The following NAALADL2 variants were observed in gnomAD, a reference collection of about 807,000 sequenced individuals.
The protein encoded by NAALADL2 is N-acetylated alpha-linked acidic dipeptidase like 2.
In NAALADL2, 76 loss-of-function variants were observed where a neutral mutation model predicts 87.2. The ratio of observed to expected loss-of-function variants is 0.87; its 90% CI spans 0.72 to 1.05. NAALADL2 has a LOEUF of 1.05. Ranked by LOEUF, NAALADL2 falls within the 50% of genes least tolerant of loss-of-function variation. The pLI is 0.00. For missense variants in NAALADL2, 1,089 were observed against 945.8 expected, an observed-to-expected ratio of 1.15 and a Z score of -1.99; for synonymous variants, 354 against 331.0, an observed-to-expected ratio of 1.07 and a Z score of -0.75.
At chr3:175,725,916 GTTA>G (rs1157027353) in intron 11 of NAALADL2, among the ~76,000 whole-genome samples, 1 of 152,126 alleles carries the variant, frequency 6.6e-6, no homozygotes, top group East Asian at 1.9e-4. Context: ...GTTAAAGATA[GTTA>G]TTAGTGAAAT....
chr3:174,547,376 A>G lies in NAALADL2; in HGVS notation c.-183-3193A>G, dbSNP rs554996356. ...ATAATATAAGGTATTGATTGCTTATACATTGTTAAGCTCTAGGATGTGGAT... is the reference window on the plus strand; with the variant it reads ...ATAATATAAGGTATTGATTGCTTATGCATTGTTAAGCTCTAGGATGTGGAT... On this transcript the variant is annotated intron_variant, in intron 1 of 3. Coordinates refer to the NAALADL2 transcript ENST00000434257. Among the ~76,000 whole-genome samples the G allele has an allele frequency of 2.0e-5, 3 of 152,250 alleles. No homozygotes were observed. In the South Asian group the frequency reaches 6.2e-4, roughly 32 times the overall value.
At chr3:175,348,278 C>T (rs532581644) in intron 5 of NAALADL2, among the ~76,000 whole-genome samples, 1 of 152,124 alleles carries the variant, frequency 6.6e-6, no homozygotes, top group South Asian at 2.1e-4. Flanking sequence ...CCTGAACTCC[C>T]AACCTCAGGT....
chr3:175,423,249 G>A (rs1262262111), intron 5 of NAALADL2, among the ~76,000 whole-genome samples: 10 of 137,942 alleles, frequency 7.2e-5, no homozygotes, highest in African/African-American at 2.2e-4. Flanking sequence ...GGCTCAAACC[G>A]TTTAATTTCA....
chr3:174,794,902 A>G (rs1717895502), intron 3 of NAALADL2, among the ~76,000 whole-genome samples: 1 of 151,006 alleles, frequency 6.6e-6, no homozygotes, highest in African/African-American at 2.4e-5. Flanking sequence ...AAGTTAAACA[A>G]TGTACTTGCA....
chr3:175,738,679 C>G (rs1296790791), intron 12 of NAALADL2, among the ~76,000 whole-genome samples: 1 of 152,106 alleles, frequency 6.6e-6, no homozygotes, highest in Admixed American at 6.5e-5. Flanking sequence ...GTTTGAGCCA[C>G]TTACAGCTAT....
At chr3:174,968,311 C>A (rs1379703304) in intron 1 of NAALADL2, among the ~76,000 whole-genome samples, 1 of 152,152 alleles carries the variant, frequency 6.6e-6, no homozygotes, top group Non-Finnish European at 1.5e-5. Flanking sequence ...ATGAACTTGG[C>A]TTTCTGTATC....
chr3:175,626,321 A>G (rs1422995612), intron 10 of NAALADL2, among the ~76,000 whole-genome samples: 1 of 151,896 alleles, frequency 6.6e-6, no homozygotes, highest in Non-Finnish European at 1.5e-5. Flanking sequence ...TACTTTCTCT[A>G]GCATTGAAAA....
chr3:175,415,892 T>C (rs1714545629), intron 5 of NAALADL2, among the ~76,000 whole-genome samples: 2 of 150,860 alleles, frequency 1.3e-5, no homozygotes. Flanking sequence ...AATGGGAGGA[T>C]TGCTTGAGCC....
At chr3:174,523,782 C>G (rs1720480052) in intron 1 of NAALADL2, among the ~76,000 whole-genome samples, 1 of 152,138 alleles carries the variant, frequency 6.6e-6, no homozygotes, top group Non-Finnish European at 1.5e-5. Context: ...TCCTAAATTG[C>G]CAGGTCATTG....
intron 2 of NAALADL2, among the ~76,000 whole-genome samples, chr3:174,593,542 C>T (rs1355098003): frequency 6.6e-6 from 1 of 151,450 alleles, no homozygotes; most frequent in African/African-American, 2.4e-5. Context: ...ACAAGTGTGG[C>T]TACATTGCTT....
intron 9 of NAALADL2, among the ~76,000 whole-genome samples, chr3:175,571,974 G>T (rs1169799424): frequency 2.6e-5 from 4 of 152,170 alleles, no homozygotes; most frequent in African/African-American, 9.7e-5. Flanking sequence ...ATTAGTGAGA[G>T]TGGGAAGTAA....
intron 2 of NAALADL2, among the ~76,000 whole-genome samples, chr3:174,606,662 G>A (rs1326256085): frequency 2.6e-5 from 4 of 152,062 alleles, no homozygotes; most frequent in African/African-American, 7.2e-5. Flanking sequence ...AAGAAATATG[G>A]GACTATGTGA....
At chr3:174,767,393 C>G (rs555721804) in intron 3 of NAALADL2, among the ~76,000 whole-genome samples, 1 of 152,228 alleles carries the variant, frequency 6.6e-6, no homozygotes, top group South Asian at 2.1e-4. Flanking sequence ...ACACATCACT[C>G]TAAACTTAAT....
chr3:174,820,887 G>T (rs1174031932), intron 3 of NAALADL2, among the ~76,000 whole-genome samples: 2 of 151,978 alleles, frequency 1.3e-5, no homozygotes, highest in Non-Finnish European at 2.9e-5. Flanking sequence ...TTTTGCATTT[G>T]AAATTTTGTG....
rs1217205795 is a variant in NAALADL2, at chr3:174,712,364, T to C, written c.-114-25277T>C. On this transcript the variant is annotated intron_variant, in intron 2 of 3. Transcript: ENST00000434257. The stretch of plus-strand genomic sequence containing the variant: ...CTACTCATATGTTCCCTATTAACAG[T>C]CTCACTTCTCCTCTTCTTTTTTTTT... Among the ~76,000 whole-genome samples, 4 of 149,602 alleles carry C rather than the reference T, an allele frequency of 2.7e-5. No individual in the cohort carries two copies. The Admixed American group carries it at 2.7e-4, about 10-fold the overall frequency.
Position 175,119,711 on chromosome 3 carries a change from A to ATATAGATATAGATATAGT in NAALADL2, c.545+22424_545+22425insGATATAGATATAGTTATA, listed in dbSNP as rs1459782317. On this transcript the variant is annotated intron_variant, in intron 2 of 13. Transcript: ENST00000454872. ...TGTGTATATATAGATATAGATATAG[A>ATATAGATATAGATATAGT]TATATAATGTAAAATAAGAATAGAT... is the stretch of plus-strand genomic sequence containing the variant. Among the ~76,000 whole-genome samples the ATATAGATATAGATATAGT allele has an allele frequency of 5.9e-4, 88 of 147,980 alleles. No individual in the cohort carries two copies. In the East Asian group the frequency reaches 0.017, roughly 28 times the overall value.
intron 2 of NAALADL2, among the ~76,000 whole-genome samples, chr3:174,730,322 A>T (rs1332233684): frequency 6.6e-6 from 1 of 151,836 alleles, no homozygotes; most frequent in Non-Finnish European, 1.5e-5. Context: ...TTGTGGTTTA[A>T]ATTTGTGAAT....
chr3:174,849,608 G>T (rs556353528), intron 3 of NAALADL2, among the ~76,000 whole-genome samples: 21 of 151,922 alleles, frequency 1.4e-4, no homozygotes, highest in African/African-American at 4.6e-4. Context: ...GGTGGCGGGT[G>T]CCTGTAATCC....
chr3:175,350,085 C>A (rs1480694330), intron 5 of NAALADL2, among the ~76,000 whole-genome samples: 1 of 149,662 alleles, frequency 6.7e-6, no homozygotes, highest in Non-Finnish European at 1.5e-5. Flanking sequence ...ACTTAATAGT[C>A]CTTAATTAAG....
Sources: allele counts gnomAD v4.1 joint callset (sites outside exome capture counted in the v4.1 genomes callset), GRCh38; gene constraint gnomAD v4.1.1; transcripts MANE v1.5; gene names NCBI Gene and HGNC (gene_info 2026-07-23, HGNC 2026-07-21).